Variants in ARHGEF3 observed in about 807,000 individuals in gnomAD.
The protein encoded by ARHGEF3 is 59.8 kDA protein.
ARHGEF3 carries 28 observed loss-of-function variants against 63.2 expected under a neutral mutation model. The ratio of observed to expected loss-of-function variants is 0.44; its 90% confidence interval spans 0.33 to 0.61. The LOEUF (loss-of-function observed/expected upper bound fraction) is 0.61, where lower values mean the gene tolerates loss of function less well. Ranked by LOEUF, ARHGEF3 falls within the 20% of genes least tolerant of loss-of-function variation. The pLI is 0.03. For synonymous variants in ARHGEF3, 266 were observed against 254.2 expected (o/e 1.05, Z -0.44); for missense variants, 533 against 659.3 (o/e 0.81, Z 2.10).
Position 56,990,919 on chromosome 3 carries a change from G to A in ARHGEF3, c.63-32030C>T, listed in dbSNP as rs565492012. Among the ~76,000 whole-genome samples the A allele has an allele frequency of 1.1e-4, 16 of 152,264 alleles. No homozygotes were observed. In the East Asian group the frequency reaches 3.1e-3, roughly 29 times the overall value. ...GTCAGGTGAGGGGTGAGCGTGAGAT[G>A]AGCCGTGTACACTCAGCTTTGCACA... On this transcript the variant is annotated intron_variant, in intron 2 of 12. Coordinates refer to the ARHGEF3 transcript ENST00000338458.
intron 3 of ARHGEF3, among the ~76,000 whole-genome samples, chr3:56,948,059 T>A (rs1354862427): frequency 6.6e-6 from 1 of 151,812 alleles, no homozygotes; most frequent in Non-Finnish European, 1.5e-5. Flanking sequence ...AGGCAGAAAT[T>A]AACATGTTCT....
chr3:57,048,723 T>C (rs535815110), intron 1 of ARHGEF3, among the ~76,000 whole-genome samples: 2 of 152,252 alleles, frequency 1.3e-5, no homozygotes, highest in East Asian at 3.9e-4. Flanking sequence ...TCAGCTATCA[T>C]AAACCTACTT....
At chr3:56,915,362 A>T (rs979138010) in intron 3 of ARHGEF3, among the ~76,000 whole-genome samples, 2 of 152,126 alleles carry the variant, frequency 1.3e-5, no homozygotes. Context: ...GCTACTCGGG[A>T]GGCTGAGGCA....
chr3:56,967,703 T>C (rs1461552788), intron 2 of ARHGEF3, among the ~76,000 whole-genome samples: 1 of 64,476 alleles, frequency 1.6e-5, no homozygotes, highest in Non-Finnish European at 2.6e-5. Flanking sequence ...ATAATAAACA[T>C]TATATTATAT....
At chr3:56,738,751 A>G (rs150314448) in intron 7 of ARHGEF3, among the ~76,000 whole-genome samples, 112 of 152,216 alleles carry the variant, frequency 7.4e-4, no homozygotes, top group African/African-American at 2.6e-3. Context: ...TTTAAATGTT[A>G]CAAAATGCTA....
intron 3 of ARHGEF3, among the ~76,000 whole-genome samples, chr3:56,886,922 T>C (rs2040944798): frequency 6.6e-6 from 1 of 152,124 alleles, no homozygotes; most frequent in Non-Finnish European, 1.5e-5. Context: ...CACCATGCTG[T>C]CCCGTCCCAG....
intron 4 of ARHGEF3, among the ~76,000 whole-genome samples, chr3:56,815,026 G>A (rs2038216280): frequency 6.6e-6 from 1 of 151,898 alleles, no homozygotes; most frequent in South Asian, 2.1e-4. Flanking sequence ...TGCCTATGGT[G>A]ACAGCTACTC....
intron 6 of ARHGEF3, among the ~76,000 whole-genome samples, chr3:56,747,802 C>T (rs560065029): frequency 5.8e-4 from 88 of 152,180 alleles, no homozygotes; most frequent in Non-Finnish European, 8.2e-4. Flanking sequence ...CCAGCCTTGG[C>T]GACAGAGAGA....
chr3:56,921,216 A>G (rs987869786), intron 3 of ARHGEF3, among the ~76,000 whole-genome samples: 1 of 151,340 alleles, frequency 6.6e-6, no homozygotes, highest in Non-Finnish European at 1.5e-5. Context: ...AAGAAAAAAA[A>G]AAAGACCAAA....
At chr3:56,979,654 C>T (rs1326275477) in intron 2 of ARHGEF3, among the ~76,000 whole-genome samples, 1 of 152,240 alleles carries the variant, frequency 6.6e-6, no homozygotes, top group Non-Finnish European at 1.5e-5. Flanking sequence ...TCCTAGATCG[C>T]CTCTCAGCCC....
intron 2 of ARHGEF3, among the ~76,000 whole-genome samples, chr3:57,028,199 C>A (rs1703556083): frequency 6.7e-6 from 1 of 148,526 alleles, no homozygotes; most frequent in African/African-American, 2.5e-5. Flanking sequence ...TGGGTATATA[C>A]CCAAAGGACT....
rs976670482 is a variant in ARHGEF3 at position 56,729,895 on chromosome 3, G to T, written c.1229-273C>A. Among the ~76,000 whole-genome samples, 5 of 152,238 alleles carry T rather than the reference G, an allele frequency of 3.3e-5. 1 individual carries two copies. The highest frequency in any genetic ancestry group is 6.5e-5 in the Admixed American group (1 of 15,288). On this transcript the variant is annotated intron_variant, in intron 9 of 9. Coordinates refer to ENST00000296315, the MANE Select transcript of ARHGEF3 (RefSeq NM_019555.3). ...GGAACCACAAAGTCAAGTGATTTAG[G>T]GGAGCCCAGAGTACTGGTGACCCAA...
rs143767917 is a variant in ARHGEF3 at position 56,921,135 on chromosome 3, C to T, written c.129+37688G>A. ...ATCCCAGTGGTTAGGGAGGCAGAGA[C>T]ATGAGGATGGCTTGAGCCCGGGAGT... On this transcript the variant is annotated intron_variant, in intron 3 of 12. Coordinates refer to the ARHGEF3 transcript ENST00000338458. Among the ~76,000 whole-genome samples, 267 of 144,596 alleles carry T rather than the reference C, an allele frequency of 1.8e-3. 2 individuals carry two copies. Among genetic ancestry groups the T allele is most frequent in the African/African-American group, 6.5e-3 (250 of 38,692 alleles). 94.9% of individuals were successfully genotyped at this position (144,596 alleles called of 152,430 possible).
At chr3:56,909,719 C>G (rs181782812) in intron 3 of ARHGEF3, among the ~76,000 whole-genome samples, 5 of 152,334 alleles carry the variant, frequency 3.3e-5, no homozygotes. Flanking sequence ...ACCTTCATCA[C>G]TTACTGTTAC....
chr3:56,775,817 C>CAT lies in ARHGEF3; in HGVS notation c.97-2002_97-2001insAT, dbSNP rs761176283. 8.8e-5 allele frequency: 29 copies of CAT among 331,018 alleles called. No individual in the cohort carries two copies. In the East Asian group the frequency reaches 4.2e-3, roughly 48 times the overall value. The allele number at this position is 331,018 out of a possible 1,614,324, so 20.5% of individuals were successfully genotyped here. ...ACGCGCAAGCACACACACACACACA[C>CAT]ACACTGCCTCTTAAGCATCCCCTGA... is the stretch of plus-strand genomic sequence containing the variant. On this transcript the variant is annotated intron_variant, in intron 1 of 9. Coordinates refer to ENST00000296315, the MANE Select transcript of ARHGEF3 (RefSeq NM_019555.3).
intron 2 of ARHGEF3, among the ~76,000 whole-genome samples, chr3:56,986,732 G>C (rs369690924): frequency 6.6e-6 from 1 of 152,050 alleles, no homozygotes; most frequent in African/African-American, 2.4e-5. Context: ...GGGTAGTAGT[G>C]GGGGTAGTCA....
At chr3:56,965,593 A>G (rs1208995623) in intron 2 of ARHGEF3, among the ~76,000 whole-genome samples, 1 of 151,946 alleles carries the variant, frequency 6.6e-6, no homozygotes, top group East Asian at 1.9e-4. Context: ...TGGAAGAAGT[A>G]TGACAACTTT....
chr3:56,730,316 A>T (rs1211766650), intron 9 of ARHGEF3, among the ~76,000 whole-genome samples: 1 of 152,032 alleles, frequency 6.6e-6, no homozygotes, highest in East Asian at 1.9e-4. Flanking sequence ...TTACATTTTA[A>T]TTACCTCAAC....
intron 3 of ARHGEF3, among the ~76,000 whole-genome samples, chr3:56,917,400 G>A (rs1334700900): frequency 6.6e-6 from 1 of 152,170 alleles, no homozygotes; most frequent in Non-Finnish European, 1.5e-5. Context: ...AGGGTTTCCT[G>A]GGGCCTTCTT....
Sources: allele counts gnomAD v4.1 joint callset (sites outside exome capture counted in the v4.1 genomes callset), GRCh38; gene constraint gnomAD v4.1.1; transcripts MANE v1.5; gene names NCBI Gene and HGNC (gene_info 2026-07-23, HGNC 2026-07-21).